Variants in UBE2E2 observed in about 807,000 individuals in gnomAD.
UBE2E2 encodes ubiquitin-conjugating enzyme E2 E2.
Under a neutral mutation model 24.7 loss-of-function variants are expected in UBE2E2, and 6 were observed. The observed-to-expected ratio is 0.24, with a 90% CI of 0.13 to 0.48. UBE2E2 has a LOEUF of 0.48. Ranked by LOEUF, UBE2E2 falls within the 20% of genes least tolerant of loss-of-function variation. The pLI, the probability that UBE2E2 is intolerant of heterozygous loss-of-function variation, is 0.99. For synonymous variants in UBE2E2, 104 were observed against 83.6 expected, an observed-to-expected ratio of 1.24 and a Z score of -1.33; for missense variants, 169 against 245.0, an observed-to-expected ratio of 0.69 and a Z score of 2.07.
At chr3:23,368,465 G>C (rs530765003) in intron 3 of UBE2E2, among the ~76,000 whole-genome samples, 3 of 152,112 alleles carry the variant, frequency 2.0e-5, no homozygotes, top group Admixed American at 2.0e-4. Flanking sequence ...GATCAAGTTT[G>C]TGTTTTTTTC....
At chr3:23,330,761 G>A (rs1219926868) in intron 3 of UBE2E2, among the ~76,000 whole-genome samples, 1 of 152,170 alleles carries the variant, frequency 6.6e-6, no homozygotes, top group Non-Finnish European at 1.5e-5. Flanking sequence ...TGCATTCTAA[G>A]AACAGATCGA....
At chr3:23,384,033 T>G (rs1696745152) in intron 3 of UBE2E2, among the ~76,000 whole-genome samples, 1 of 152,216 alleles carries the variant, frequency 6.6e-6, no homozygotes, top group Non-Finnish European at 1.5e-5. Flanking sequence ...GATTGCTCTG[T>G]GTCCTGGGCT....
chr3:23,384,517 C>T (rs1281402796), intron 3 of UBE2E2, among the ~76,000 whole-genome samples: 1 of 151,864 alleles, frequency 6.6e-6, no homozygotes, highest in Admixed American at 6.6e-5. Context: ...AAAATTTGCT[C>T]TTTGGACATT....
At position 23,282,770 on chromosome 3, in the gene UBE2E2, A is replaced by G. The variant is rs182296140; in HGVS notation, c.227+65458A>G. 2.5e-3 allele frequency among the ~76,000 whole-genome samples: 379 copies of G among 152,280 alleles called. 3 individuals carry two copies. Among genetic ancestry groups the G allele is most frequent in the African/African-American group, 8.8e-3 (364 of 41,544 alleles). ...AAGTAAACTTGGTTCAACTTTTTAT[A>G]CTAGATACACGTTACACAGAACATG... On this transcript the variant is annotated intron_variant, in intron 3 of 5. Transcript: ENST00000396703.
At chr3:23,235,491 G>C (rs1448393836) in intron 3 of UBE2E2, among the ~76,000 whole-genome samples, 1 of 151,798 alleles carries the variant, frequency 6.6e-6, no homozygotes, top group Admixed American at 6.6e-5. Flanking sequence ...AAGATGAGGT[G>C]GCAGAATGAG....
chr3:23,267,025 T>C lies in UBE2E2; in HGVS notation c.227+49713T>C, dbSNP rs1200737451. 2.6e-5 allele frequency among the ~76,000 whole-genome samples: 4 copies of C among 151,770 alleles called. No homozygotes were observed. The East Asian group carries it at 7.8e-4, about 29-fold the overall frequency. On this transcript the variant is annotated intron_variant, in intron 3 of 5. Coordinates refer to ENST00000396703, the MANE Select transcript of UBE2E2 (RefSeq NM_152653.4). ...AACCACTGAGAACAAAGACACAACA[T>C]ACCAGAATCTCTGGGACACATTCAA...
chr3:23,574,559 C>A (rs1696302643), intron 5 of UBE2E2, among the ~76,000 whole-genome samples: 1 of 152,002 alleles, frequency 6.6e-6, no homozygotes, highest in Non-Finnish European at 1.5e-5. Context: ...ATAAAGAAAG[C>A]AGTTTGCAGG....
chr3:23,244,187 T>C (rs1318468648), intron 3 of UBE2E2, among the ~76,000 whole-genome samples: 2 of 151,184 alleles, frequency 1.3e-5, no homozygotes, highest in African/African-American at 4.8e-5. Context: ...AAAGTTTAGG[T>C]TTAAAAAGAA....
chr3:23,300,216 G>C (rs13096458), intron 3 of UBE2E2, among the ~76,000 whole-genome samples: 6 of 151,806 alleles, frequency 4.0e-5, no homozygotes, highest in Non-Finnish European at 7.4e-5. Flanking sequence ...CAGCACACTG[G>C]TGGGTCTTGA....
chr3:23,512,335 A>T (rs1004189721), intron 4 of UBE2E2, among the ~76,000 whole-genome samples: 2 of 151,746 alleles, frequency 1.3e-5, no homozygotes, highest in Admixed American at 1.3e-4. Flanking sequence ...CTCCCACCTC[A>T]GCCTCCCAAG....
intron 2 of UBE2E2, among the ~76,000 whole-genome samples, chr3:23,216,495 A>C (rs1035430272): frequency 2.6e-5 from 4 of 152,112 alleles, no homozygotes; most frequent in African/African-American, 9.7e-5. Context: ...CGGTTTTGAG[A>C]ATTTTTTGGT....
At chr3:23,341,246 T>A (rs1273873862) in intron 3 of UBE2E2, among the ~76,000 whole-genome samples, 2 of 152,174 alleles carry the variant, frequency 1.3e-5, no homozygotes, top group African/African-American at 4.8e-5. Flanking sequence ...TTCCTTATAG[T>A]AACAATGATG....
chr3:23,401,262 G>C (rs1697214522), intron 3 of UBE2E2, among the ~76,000 whole-genome samples: 1 of 152,174 alleles, frequency 6.6e-6, no homozygotes, highest in African/African-American at 2.4e-5. Context: ...AAATGAGCAG[G>C]AGTTAGAATA....
At chr3:23,357,168 C>T (rs543172690) in intron 3 of UBE2E2, among the ~76,000 whole-genome samples, 10 of 152,034 alleles carry the variant, frequency 6.6e-5, no homozygotes, top group African/African-American at 1.4e-4. Flanking sequence ...TTGCATGGGC[C>T]GGAAGGAATG....
chr3:23,279,336 C>T (rs960216521), intron 3 of UBE2E2, among the ~76,000 whole-genome samples: 3 of 152,228 alleles, frequency 2.0e-5, no homozygotes, highest in African/African-American at 7.2e-5. Flanking sequence ...TTTGGGAAAC[C>T]TAGCTTCTGG....
chr3:23,563,145 C>G (rs1371673880), intron 5 of UBE2E2, among the ~76,000 whole-genome samples: 1 of 152,146 alleles, frequency 6.6e-6, no homozygotes, highest in Admixed American at 6.5e-5. Context: ...TTCTCTAGTT[C>G]TTTTAATTGT....
At chr3:23,423,209 C>T (rs920414320) in intron 3 of UBE2E2, among the ~76,000 whole-genome samples, 2 of 152,160 alleles carry the variant, frequency 1.3e-5, no homozygotes, top group Non-Finnish European at 2.9e-5. Context: ...CTCCCAACTG[C>T]GCATAAAACG....
intron 3 of UBE2E2, among the ~76,000 whole-genome samples, chr3:23,226,665 G>A (rs1908475): frequency 0.13 from 19,272 of 152,138 alleles, 1,525 homozygotes; most frequent in South Asian, 0.22. Context: ...TAAAAGGGGA[G>A]AATTTAGTAT....
chr3:23,238,084 A>C (rs868225113), intron 3 of UBE2E2, among the ~76,000 whole-genome samples: 1 of 152,180 alleles, frequency 6.6e-6, no homozygotes, highest in Non-Finnish European at 1.5e-5. Context: ...TAAATATGAG[A>C]TATGGCCTCT....
Sources: gnomAD v4.1 joint callset for allele counts (sites outside exome capture counted in the v4.1 genomes callset) on GRCh38, gnomAD v4.1.1 for gene constraint, MANE v1.5 for transcripts, NCBI Gene and HGNC (gene_info 2026-07-23, HGNC 2026-07-21) for gene names.